TENT4B: variants seen among roughly 807,000 people sequenced by gnomAD.
TENT4B encodes terminal nucleotidyltransferase 4B.
Under a neutral mutation model 75.0 loss-of-function variants are expected in TENT4B, and 10 were observed. That is an observed-to-expected ratio of 0.13 (90% CI 0.08 to 0.23). The LOEUF (loss-of-function observed/expected upper bound fraction) is 0.23, where lower values mean the gene tolerates loss of function less well. TENT4B is among the 10% of genes least tolerant of loss of function. The pLI is 1.00. For missense variants in TENT4B, 579 were observed against 893.8 expected, an observed-to-expected ratio of 0.65 and a Z score of 4.49; for synonymous variants, 350 against 357.7, an observed-to-expected ratio of 0.98 and a Z score of 0.24.
chr16:50,217,653 AT>A lies in TENT4B; in HGVS notation c.1032del (p.Phe344LeufsTer13). ...GTGAGAGCAGCTGACCTCATCAAAG[AT>A]TTTACCAAGGTCAGAGAATTTAGCG... ...NGVRAADLIK[D>X]FTKKYPVLPY... On this transcript the variant is annotated frameshift_variant, in exon 5 of 12. Transcript: ENST00000561678. LOFTEE classifies it high-confidence loss of function. 6.6e-7 allele frequency: 1 copy of A among 1,521,076 alleles called. No homozygotes were observed. Among genetic ancestry groups the A allele is most frequent in the East Asian group, 2.5e-5 (1 of 40,146 alleles). 94.2% of individuals were successfully genotyped at this position (1,521,076 alleles called of 1,614,324 possible).
chr16:50,224,515 T>A lies in TENT4B; in HGVS notation c.1382-142T>A. 2.1e-5 allele frequency: 19 copies of A among 923,174 alleles called. No homozygotes were observed. The South Asian group carries it at 2.9e-4, about 14-fold the overall frequency. 57.2% of individuals were successfully genotyped at this position (923,174 alleles called of 1,614,324 possible). A position where few individuals can be genotyped will look rare whatever the true frequency, so the allele number is the denominator to read the frequency against. On this transcript the variant is annotated intron_variant, in intron 7 of 11. Coordinates refer to ENST00000561678, the MANE Select transcript of TENT4B (RefSeq NM_001365324.3). Reference sequence around the variant, plus strand: ...TCACATATTCAGAGACTGGGGAGCTTTGGGGACAGCTCACAGCTCAGCTTC... The same window carrying A: ...TCACATATTCAGAGACTGGGGAGCTATGGGGACAGCTCACAGCTCAGCTTC...
intron 1 of TENT4B, among the ~76,000 whole-genome samples, chr16:50,199,273 C>T (rs1370436831): frequency 6.6e-6 from 1 of 152,252 alleles, no homozygotes; most frequent in East Asian, 1.9e-4. Context: ...GGGGGCCACG[C>T]ATGGCTGTTC....
chr16:50,153,219 C>A (rs2037802402), upstream of TENT4B, among the ~76,000 whole-genome samples: 1 of 132,144 alleles, frequency 7.6e-6, no homozygotes, highest in African/African-American at 2.7e-5. Context: ...GCGGAGCCGG[C>A]AGAGGCCCCG....
Position 50,232,778 on chromosome 16 carries a change from T to G in TENT4B, c.*3450T>G. 9.1e-6 allele frequency: 9 copies of G among 985,346 alleles called. No homozygotes were observed. The highest frequency in any genetic ancestry group is 1.1e-5 in the Non-Finnish European group (9 of 829,808). The allele number at this position is 985,346 out of a possible 1,614,324, so 61.0% of individuals were successfully genotyped here. A position where few individuals can be genotyped will look rare whatever the true frequency, so the allele number is the denominator to read the frequency against. ...ATGTTGCTGATACTTTTATTGGTCA[T>G]GACTACATCTCAGTTTTACTTTAAT... On this transcript the variant is annotated 3_prime_UTR_variant, in exon 12 of 12. Coordinates refer to ENST00000561678, the MANE Select transcript of TENT4B (RefSeq NM_001365324.3).
At chr16:50,152,949 C>A, upstream of TENT4B, 1 of 1,506,482 alleles carries the variant, frequency 6.6e-7, no homozygotes, top group Non-Finnish European at 8.8e-7. Flanking sequence ...GGGCGGCAAC[C>A]TCCATGCGGC....
At chr16:50,161,204 T>C (rs2037997363) in intron 1 of TENT4B, among the ~76,000 whole-genome samples, 1 of 152,224 alleles carries the variant, frequency 6.6e-6, no homozygotes. Context: ...TATATTCAAG[T>C]TGAGGATGGC....
Position 50,233,363 on chromosome 16 carries a change from C to T in TENT4B, c.*4035C>T, listed in dbSNP as rs2032352404. The T allele has an allele frequency of 1.0e-6, 1 of 985,326 alleles. No individual in the cohort carries two copies. Among genetic ancestry groups the T allele is most frequent in the Non-Finnish European group, 1.2e-6 (1 of 829,856 alleles). The allele number at this position is 985,326 out of a possible 1,614,324, so 61.0% of individuals were successfully genotyped here. On this transcript the variant is annotated 3_prime_UTR_variant, in exon 12 of 12. Transcript: ENST00000561678. ...TTAAAGATCAAATTTTAATATGCTT[C>T]TCGATATTTAACATAGCTAAGAAGC...
At chr16:50,213,347 C>T (rs1343585934) in intron 2 of TENT4B, among the ~76,000 whole-genome samples, 1 of 152,244 alleles carries the variant, frequency 6.6e-6, no homozygotes, top group African/African-American at 2.4e-5. Flanking sequence ...GCGTGAGCCA[C>T]TGTGCCCGGC....
intron 7 of TENT4B, 97 bp downstream of exon 7, chr16:50,223,484 C>A (rs757362087): frequency 2.2e-5 from 17 of 768,260 alleles, no homozygotes; most frequent in Non-Finnish European, 3.5e-5. Context: ...AATGAAGGAA[C>A]AACTTCTAAT....
rs1034148523 is a variant in TENT4B at position 50,234,777 on chromosome 16, G to A, written c.*5449G>A. ...TTGTTATGGGTGAAAAGTGAGGGAC[G>A]ACCAGTGTAGTTTCTGGATATAAAG... On this transcript the variant is annotated 3_prime_UTR_variant, in exon 12 of 12. Transcript: ENST00000561678. 15 of 985,356 alleles carry A rather than the reference G, an allele frequency of 1.5e-5. No individual in the cohort carries two copies. The highest frequency in any genetic ancestry group is 2.3e-4 in the East Asian group (2 of 8,832). The allele number at this position is 985,356 out of a possible 1,614,324, so 61.0% of individuals were successfully genotyped here. A position where few individuals can be genotyped will look rare whatever the true frequency, so the allele number is the denominator to read the frequency against.
chr16:50,229,211 A>AGTT lies in TENT4B; in HGVS notation c.2025_2026insGTT (p.Thr675_Ser676insVal), dbSNP rs2032189499. 1 of 1,613,900 alleles carries AGTT rather than the reference A, an allele frequency of 6.2e-7. No homozygotes were observed. The highest frequency in any genetic ancestry group is 1.3e-5 in the African/African-American group (1 of 74,944). ...AAGGCTTCCAAGGTACAACTCAAAC[A>AGTT]AGCCATGGTTCCTTGATGACAAACA... is the stretch of plus-strand genomic sequence containing the variant. On this transcript the variant is annotated inframe_insertion, in exon 12 of 12. Coordinates refer to ENST00000561678, the MANE Select transcript of TENT4B (RefSeq NM_001365324.3).
At position 50,231,536 on chromosome 16, in the gene TENT4B, T is replaced by G. The variant is rs1271266789; in HGVS notation, c.*2208T>G. The G allele has an allele frequency of 3.0e-6, 3 of 985,728 alleles. No individual in the cohort carries two copies. The highest frequency in any genetic ancestry group is 1.1e-4 in the East Asian group (1 of 8,836). 61.1% of individuals were successfully genotyped at this position (985,728 alleles called of 1,614,324 possible). On this transcript the variant is annotated 3_prime_UTR_variant, in exon 12 of 12. Coordinates refer to ENST00000561678, the MANE Select transcript of TENT4B (RefSeq NM_001365324.3). ...TACTCTTAGGGTGCGAATATTAGTG[T>G]TCCAATAAGCATGTGATTATATTAA...
chr16:50,214,526 C>T (rs754845811), intron 3 of TENT4B, among the ~76,000 whole-genome samples: 6 of 152,118 alleles, frequency 3.9e-5, no homozygotes, highest in East Asian at 3.9e-4. Context: ...CGTAGCAGTG[C>T]GCACCTGTAA....
At chr16:50,164,596 T>C (rs1441685403) in intron 1 of TENT4B, among the ~76,000 whole-genome samples, 1 of 152,104 alleles carries the variant, frequency 6.6e-6, no homozygotes, top group Non-Finnish European at 1.5e-5. Flanking sequence ...TGTGAGCCAC[T>C]GCGCCTGGCC....
intron 3 of TENT4B, among the ~76,000 whole-genome samples, chr16:50,215,413 T>C (rs766373030): frequency 2.0e-5 from 3 of 152,196 alleles, no homozygotes; most frequent in Non-Finnish European, 2.9e-5. Flanking sequence ...ATATTTCTTA[T>C]TTAGGTTGTC....
intron 5 of TENT4B, among the ~76,000 whole-genome samples, chr16:50,219,143 T>C (rs915773950): frequency 1.3e-5 from 2 of 152,180 alleles, no homozygotes; most frequent in Admixed American, 6.5e-5. Context: ...GAAAAAACTT[T>C]TAAAAATTGA....
chr16:50,208,912 T>C (rs1334711383), intron 1 of TENT4B, among the ~76,000 whole-genome samples: 1 of 152,176 alleles, frequency 6.6e-6, no homozygotes, highest in Non-Finnish European at 1.5e-5. Flanking sequence ...TTTATATTTT[T>C]AGTAGAGATG....
At chr16:50,174,974 C>A (rs760224402) in intron 1 of TENT4B, among the ~76,000 whole-genome samples, 8 of 151,910 alleles carry the variant, frequency 5.3e-5, no homozygotes, top group Non-Finnish European at 1.2e-4. Flanking sequence ...AACTCTTGAC[C>A]TCCTGATCCA....
intron 1 of TENT4B, among the ~76,000 whole-genome samples, chr16:50,197,974 A>C (rs2030384849): frequency 6.6e-6 from 1 of 152,194 alleles, no homozygotes; most frequent in Admixed American, 6.5e-5. Flanking sequence ...TAAATCCGTA[A>C]CAAGACAGGA....
Sources: allele counts gnomAD v4.1 joint callset (sites outside exome capture counted in the v4.1 genomes callset), GRCh38; gene constraint gnomAD v4.1.1; transcripts MANE v1.5; gene names NCBI Gene and HGNC (gene_info 2026-07-23, HGNC 2026-07-21).